The following PPM1H variants were observed in gnomAD, a reference collection of about 807,000 sequenced individuals.
PPM1H encodes the protein protein phosphatase 1H.
In PPM1H, 27 loss-of-function variants were observed where a neutral mutation model predicts 54.9. That is an observed-to-expected ratio of 0.49 (90% confidence interval 0.36 to 0.68). The LOEUF (loss-of-function observed/expected upper bound fraction) is 0.68. PPM1H is among the 30% of genes least tolerant of loss of function. The probability of loss-of-function intolerance (pLI) is 0.00; values close to 1 mark genes in which losing one functional copy is unlikely to be tolerated. For synonymous variants in PPM1H, 305 were observed against 270.8 expected, an observed-to-expected ratio of 1.13 and a Z score of -1.24; for missense variants, 596 against 667.8, an observed-to-expected ratio of 0.89 and a Z score of 1.19.
intron 9 of PPM1H, among the ~76,000 whole-genome samples, chr12:62,652,460 A>C (rs1354632229): frequency 6.6e-6 from 1 of 152,218 alleles, no homozygotes; most frequent in African/African-American, 2.4e-5. Flanking sequence ...CTAAGATGAT[A>C]ATTTTGTTTA....
intron 4 of PPM1H, among the ~76,000 whole-genome samples, chr12:62,763,378 CAAA>C (rs1221953801): frequency 6.6e-6 from 1 of 152,192 alleles, no homozygotes; most frequent in African/African-American, 2.4e-5. Flanking sequence ...GGCTGAGCAC[CAAA>C]TCCAGATAGG....
At chr12:62,827,778 G>A (rs776229716) in intron 2 of PPM1H, among the ~76,000 whole-genome samples, 4 of 152,048 alleles carry the variant, frequency 2.6e-5, no homozygotes, top group Non-Finnish European at 5.9e-5. Flanking sequence ...AATTTCTCAA[G>A]GAAGGCTTTC....
At position 62,847,109 on chromosome 12, in the gene PPM1H, T is replaced by G. The variant is rs1037054639; in HGVS notation, c.246-14830A>C. Among the ~76,000 whole-genome samples the G allele has an allele frequency of 2.6e-5, 4 of 151,964 alleles. No individual in the cohort carries two copies. In the South Asian group the frequency reaches 8.3e-4, roughly 32 times the overall value. On this transcript the variant is annotated intron_variant, in intron 1 of 9. Coordinates refer to ENST00000228705, the MANE Select transcript of PPM1H (RefSeq NM_020700.2). The stretch of plus-strand genomic sequence containing the variant: ...CACCTGATCTCTGAGCTGAGCCAAT[T>G]AGGGCCCTTCTGTGAAAAATGAAAG...
Position 62,667,286 on chromosome 12 carries a change from T to C in PPM1H, c.1289A>G (p.Asp430Gly). The change falls in exon 9 of 10, where the codon GAT (aspartate) becomes GGT (glycine). Residue 430 changes from aspartate (D) to glycine (G), a missense_variant. Asp to Gly is a moderately conservative substitution (Grantham distance 94, BLOSUM62 -1). Transcript: ENST00000228705. ...TCCATCAGTGGCCAAGATCAGCACA[T>C]CATCTGATCCATGATCATATTTTGA... ...DLSKYDHGSD[D>G]VLILATDGLW... 1 of 1,607,512 alleles carries C rather than the reference T, an allele frequency of 6.2e-7. No individual in the cohort carries two copies. Among genetic ancestry groups the C allele is most frequent in the Non-Finnish European group, 8.5e-7 (1 of 1,175,134 alleles).
At chr12:62,838,939 A>G (rs1332141562) in intron 1 of PPM1H, among the ~76,000 whole-genome samples, 1 of 150,010 alleles carries the variant, frequency 6.7e-6, no homozygotes, top group Non-Finnish European at 1.5e-5. Flanking sequence ...AAAAAAAAAA[A>G]AAAAAAAAAA....
At chr12:62,903,046 A>C (rs1217493636) in intron 1 of PPM1H, among the ~76,000 whole-genome samples, 1 of 152,164 alleles carries the variant, frequency 6.6e-6, no homozygotes, top group African/African-American at 2.4e-5. Context: ...GGACACAATT[A>C]TATTGCCCAA....
chr12:62,856,012 T>C (rs900836725), intron 1 of PPM1H, among the ~76,000 whole-genome samples: 4 of 152,202 alleles, frequency 2.6e-5, no homozygotes, highest in Non-Finnish European at 5.9e-5. Context: ...TGAATGAGGT[T>C]TTCCCATTTG....
chr12:62,721,650 G>T (rs949247816), intron 5 of PPM1H, among the ~76,000 whole-genome samples: 1 of 152,164 alleles, frequency 6.6e-6, no homozygotes, highest in African/African-American at 2.4e-5. Flanking sequence ...AATAGGTCAG[G>T]TCAACAGTGG....
intron 1 of PPM1H, among the ~76,000 whole-genome samples, chr12:62,855,637 G>A (rs769989868): frequency 2.6e-5 from 4 of 152,112 alleles, no homozygotes; most frequent in Non-Finnish European, 4.4e-5. Flanking sequence ...CCAATCTTCC[G>A]GTAATCAGTA....
chr12:62,759,274 T>G (rs1180993889), intron 4 of PPM1H, among the ~76,000 whole-genome samples: 1 of 152,170 alleles, frequency 6.6e-6, no homozygotes, highest in Admixed American at 6.5e-5. Context: ...TCACTCTCAC[T>G]CCATGAAGAG....
chr12:62,766,179 C>G (rs2076542421), intron 4 of PPM1H, among the ~76,000 whole-genome samples: 1 of 152,026 alleles, frequency 6.6e-6, no homozygotes. Context: ...GGTAAATTAT[C>G]CTAGGTTTTT....
intron 4 of PPM1H, among the ~76,000 whole-genome samples, chr12:62,776,594 C>A (rs2076612671): frequency 6.6e-6 from 1 of 152,158 alleles, no homozygotes; most frequent in Admixed American, 6.5e-5. Flanking sequence ...ATCTGCATGG[C>A]AATCTAGAAG....
chr12:62,762,139 T>G (rs2076513051), intron 4 of PPM1H, among the ~76,000 whole-genome samples: 1 of 152,226 alleles, frequency 6.6e-6, no homozygotes, highest in Admixed American at 6.5e-5. Flanking sequence ...CCTAACTACG[T>G]ATGGCCCATT....
At chr12:62,823,850 G>A (rs1287524795) in intron 2 of PPM1H, among the ~76,000 whole-genome samples, 4 of 152,204 alleles carry the variant, frequency 2.6e-5, no homozygotes. Flanking sequence ...AGACAGGGAT[G>A]CCCTCTCTCA....
At chr12:62,865,878 C>T (rs1869756960) in intron 1 of PPM1H, among the ~76,000 whole-genome samples, 1 of 152,122 alleles carries the variant, frequency 6.6e-6, no homozygotes. Flanking sequence ...CCTATAAGAC[C>T]CAGTTAAACA....
At chr12:62,908,099 A>C (rs2121132418) in intron 1 of PPM1H, among the ~76,000 whole-genome samples, 1 of 152,350 alleles carries the variant, frequency 6.6e-6, no homozygotes, top group East Asian at 1.9e-4. Context: ...AAAATCGTGC[A>C]TGCATGACAG....
chr12:62,664,647 TTA>T (rs531273665), intron 9 of PPM1H, among the ~76,000 whole-genome samples: 125 of 152,352 alleles, frequency 8.2e-4, no homozygotes, highest in African/African-American at 2.9e-3. Flanking sequence ...TATTACTGTT[TTA>T]TATAGTCAAG....
At position 62,844,061 on chromosome 12, in the gene PPM1H, T is replaced by C. The variant is rs1868860617; in HGVS notation, c.246-11782A>G. Among the ~76,000 whole-genome samples, 1 of 152,190 alleles carries C rather than the reference T, an allele frequency of 6.6e-6. No individual in the cohort carries two copies. The highest frequency in any genetic ancestry group is 1.5e-5 in the Non-Finnish European group (1 of 68,030). On this transcript the variant is annotated intron_variant, in intron 1 of 9. Coordinates refer to ENST00000228705, the MANE Select transcript of PPM1H (RefSeq NM_020700.2). The surrounding 1 kb of genome is among the most constrained non-coding windows in gnomAD (Gnocchi z 5.2). ...ACCCTAAGGAAGCTAGAAAGTACAA[T>C]AAGACTTTGCCTTTGTCAACCTTAA...
At chr12:62,913,492 C>T (rs1565827461) in intron 1 of PPM1H, among the ~76,000 whole-genome samples, 2 of 152,144 alleles carry the variant, frequency 1.3e-5, no homozygotes, top group Admixed American at 6.5e-5. Flanking sequence ...CACCCACACT[C>T]GCTTTCCTTT....
Sources: allele counts gnomAD v4.1 joint callset (sites outside exome capture counted in the v4.1 genomes callset), GRCh38; gene constraint gnomAD v4.1.1; non-coding constraint Gnocchi (gnomAD v3.1); transcripts MANE v1.5; gene names NCBI Gene and HGNC (gene_info 2026-07-23, HGNC 2026-07-21).